The following IL1RAPL1 variants were observed in gnomAD, a reference collection of about 807,000 sequenced individuals.
IL1RAPL1 encodes interleukin-1 receptor accessory protein-like 1.
In IL1RAPL1, 3 loss-of-function variants were observed where a neutral mutation model predicts 48.4. That is an observed-to-expected ratio of 0.06 (90% CI 0.03 to 0.16). The LOEUF (loss-of-function observed/expected upper bound fraction) is 0.16, where lower values mean the gene tolerates loss of function less well. Ranked by LOEUF, IL1RAPL1 falls within the 10% of genes least tolerant of loss-of-function variation. The pLI is 1.00. For synonymous variants in IL1RAPL1, 185 were observed against 187.7 expected (o/e 0.99, Z 0.12); for missense variants, 349 against 530.6 (o/e 0.66, Z 3.36).
chrX:28,615,123 C>T (rs1013155473), intron 1 of IL1RAPL1, among the ~76,000 whole-genome samples: 4 of 105,407 alleles, frequency 3.8e-5, no homozygotes, highest in African/African-American at 1.4e-4. Flanking sequence ...CTCCTGACCT[C>T]GTGATCTGCC....
intron 1 of IL1RAPL1, among the ~76,000 whole-genome samples, chrX:28,665,929 G>A (rs1192619877): frequency 8.9e-6 from 1 of 112,244 alleles, no homozygotes; most frequent in African/African-American, 3.2e-5. Flanking sequence ...TCAAGAGTGG[G>A]TGTCAGCTAT....
At chrX:28,863,820 T>C (rs1278336070) in intron 2 of IL1RAPL1, among the ~76,000 whole-genome samples, 1 of 111,836 alleles carries the variant, frequency 8.9e-6, no homozygotes, top group Non-Finnish European at 1.9e-5. Context: ...GATTCAATAA[T>C]ATATGCTTTT....
chrX:29,166,211 G>T (rs1929783067), intron 2 of IL1RAPL1, among the ~76,000 whole-genome samples: 1 of 112,304 alleles, frequency 8.9e-6, no homozygotes, highest in Admixed American at 9.5e-5. Context: ...GCTTCTGTTA[G>T]TGCTCATAGT....
At chrX:29,763,836 A>G (rs948217565) in intron 6 of IL1RAPL1, among the ~76,000 whole-genome samples, 3 of 110,336 alleles carry the variant, frequency 2.7e-5, no homozygotes, top group Non-Finnish European at 3.8e-5. Context: ...ATATAATACT[A>G]TATATTATAT....
chrX:29,384,328 C>T (rs1933747984), intron 3 of IL1RAPL1, among the ~76,000 whole-genome samples: 2 of 111,515 alleles, frequency 1.8e-5, no homozygotes, highest in Admixed American at 1.9e-4. Context: ...GGATAGATCC[C>T]CTCTTGTAAA....
intron 3 of IL1RAPL1, among the ~76,000 whole-genome samples, chrX:29,318,100 A>T (rs888454072): frequency 8.9e-6 from 1 of 112,298 alleles, no homozygotes; most frequent in Non-Finnish European, 1.9e-5. Flanking sequence ...GATTCATAGA[A>T]AATGTTCCAC....
chrX:29,723,846 G>A (rs1927706023), intron 6 of IL1RAPL1, among the ~76,000 whole-genome samples: 1 of 110,968 alleles, frequency 9.0e-6, no homozygotes, highest in South Asian at 3.8e-4. Context: ...ACACAGTCTC[G>A]CTGTGTTGCC....
At chrX:29,132,512 G>A (rs1929043100) in intron 2 of IL1RAPL1, among the ~76,000 whole-genome samples, 1 of 112,190 alleles carries the variant, frequency 8.9e-6, no homozygotes, top group African/African-American at 3.2e-5. Flanking sequence ...GTACCATATA[G>A]CCTAGGTGTG....
intron 2 of IL1RAPL1, among the ~76,000 whole-genome samples, chrX:28,803,689 A>T (rs1319337566): frequency 2.7e-5 from 3 of 111,674 alleles, no homozygotes; most frequent in Non-Finnish European, 5.7e-5. Flanking sequence ...AATATGTACA[A>T]CTGTACTTGA....
At chrX:29,335,768 C>G (rs1011244164) in intron 3 of IL1RAPL1, among the ~76,000 whole-genome samples, 1 of 111,542 alleles carries the variant, frequency 9.0e-6, no homozygotes, top group African/African-American at 3.3e-5. Context: ...AGGACAAGTA[C>G]TTTGTGACAG....
chrX:29,410,091 G>T (rs1934123457), intron 5 of IL1RAPL1, among the ~76,000 whole-genome samples: 1 of 110,472 alleles, frequency 9.1e-6, no homozygotes, highest in Non-Finnish European at 1.9e-5. Context: ...CAAAGTGCTG[G>T]GATTACAGGC....
intron 6 of IL1RAPL1, among the ~76,000 whole-genome samples, chrX:29,898,955 TCTGAAATGCTCC>T (rs1484042678): frequency 8.9e-6 from 1 of 112,115 alleles, no homozygotes; most frequent in East Asian, 2.8e-4. Context: ...TGCTGGCAAG[TCTGAAATGCTCC>T]TTGACAATCT....
chrX:29,454,740 C>T (rs1486168918), intron 5 of IL1RAPL1, among the ~76,000 whole-genome samples: 3 of 110,113 alleles, frequency 2.7e-5, no homozygotes, highest in African/African-American at 9.9e-5. Context: ...AACATGACTA[C>T]ACCACCAATG....
At chrX:29,298,086 T>C (rs1225832950) in intron 3 of IL1RAPL1, among the ~76,000 whole-genome samples, 7 of 112,495 alleles carry the variant, frequency 6.2e-5, no homozygotes, top group African/African-American at 2.3e-4. Context: ...GTTAATGTGA[T>C]TAAATTGGCT....
Position 28,722,903 on chromosome X carries a change from T to G in IL1RAPL1, c.-24-66417T>G, listed in dbSNP as rs964418083. Among the ~76,000 whole-genome samples the G allele has an allele frequency of 4.5e-5, 5 of 111,771 alleles. No individual in the cohort carries two copies. The Admixed American group carries it at 4.8e-4, about 11-fold the overall frequency. ...TATGTGCTGGATTACGTTTATTGATTTGCGTATGTTGAACCAGCCTTGCAC... is the reference window on the plus strand; with the variant it reads ...TATGTGCTGGATTACGTTTATTGATGTGCGTATGTTGAACCAGCCTTGCAC... On this transcript the variant is annotated intron_variant, in intron 1 of 10. Transcript: ENST00000378993.
At chrX:28,695,827 A>G (rs196976) in intron 1 of IL1RAPL1, among the ~76,000 whole-genome samples, 27,834 of 111,372 alleles carry the variant, frequency 0.25, 2,866 homozygotes, top group Middle Eastern at 0.41. Flanking sequence ...CATGAAGAGT[A>G]AGAAACAACT....
chrX:29,282,074 C>T (rs1022429458), intron 2 of IL1RAPL1, among the ~76,000 whole-genome samples: 45 of 111,360 alleles, frequency 4.0e-4, no homozygotes, highest in Non-Finnish European at 7.9e-4. Flanking sequence ...CCCTCCTCAT[C>T]TAACCCTAAT....
intron 1 of IL1RAPL1, among the ~76,000 whole-genome samples, chrX:28,616,945 G>A (rs1215431691): frequency 1.8e-5 from 2 of 112,199 alleles, no homozygotes; most frequent in African/African-American, 6.5e-5. Context: ...ATCAGTCACA[G>A]GGAAGTATTC....
intron 3 of IL1RAPL1, among the ~76,000 whole-genome samples, chrX:29,354,600 A>G (rs1164594068): frequency 8.9e-6 from 1 of 112,247 alleles, no homozygotes; most frequent in African/African-American, 3.2e-5. Flanking sequence ...TCTGCTGTTC[A>G]GCATTCTGAC....
Sources: allele counts gnomAD v4.1 joint callset (sites outside exome capture counted in the v4.1 genomes callset), GRCh38; gene constraint gnomAD v4.1.1; transcripts MANE v1.5; gene names NCBI Gene and HGNC (gene_info 2026-07-23, HGNC 2026-07-21).